The following PES1 variants were observed in gnomAD, a reference collection of about 807,000 sequenced individuals.
PES1 encodes pescadillo ribosomal biogenesis factor 1.
A neutral mutation model predicts 77.1 loss-of-function variants in PES1; 31 were observed. That is an observed-to-expected ratio of 0.40 (90% CI 0.30 to 0.54). The LOEUF (loss-of-function observed/expected upper bound fraction) is 0.54. Ranked by LOEUF, PES1 falls within the 20% of genes least tolerant of loss-of-function variation. The probability of loss-of-function intolerance (pLI) is 0.45; values close to 1 mark genes in which losing one functional copy is unlikely to be tolerated. For missense variants in PES1, 658 were observed against 771.7 expected, an observed-to-expected ratio of 0.85 and a Z score of 1.75; for synonymous variants, 282 against 303.0, an observed-to-expected ratio of 0.93 and a Z score of 0.72.
chr22:30,579,084 G>A (rs749428355), intron 13 of PES1, 53 bp downstream of exon 13: 10 of 1,604,324 alleles, frequency 6.2e-6, no homozygotes, highest in African/African-American at 1.3e-5. Context: ...GCCAGAGCAG[G>A]CACCAAGCAG....
chr22:30,580,174 A>C lies in PES1; in HGVS notation c.1048T>G (p.Phe350Val). ...REALAFIIRS[F>V]GGEVSWDKSL... ...TTGTCCCAGGACACTTCCCCACCAA[A>C]ACTCCTACAGGGACAGGGAGAGCCC... The change falls in exon 11 of 15, where the codon TTT becomes GTT. Residue 350 changes from phenylalanine (F) to valine (V), a missense_variant. Coordinates refer to ENST00000354694, the MANE Select transcript of PES1 (RefSeq NM_014303.4). 1 of 1,612,096 alleles carries C rather than the reference A, an allele frequency of 6.2e-7. No individual in the cohort carries two copies. The highest frequency in any genetic ancestry group is 8.5e-7 in the Non-Finnish European group (1 of 1,178,920).
At chr22:30,596,902 C>T (rs138063766), upstream of PES1, among the ~76,000 whole-genome samples, 136 of 152,296 alleles carry the variant, frequency 8.9e-4, 3 homozygotes, top group East Asian at 0.021. Context: ...GCGGCGCTTG[C>T]GGGCCAGCTA....
chr22:30,581,668 A>G, intron 6 of PES1, 24 bp from the exon 7 acceptor site: 1 of 1,526,396 alleles, frequency 6.6e-7, no homozygotes, highest in Non-Finnish European at 9.1e-7. Flanking sequence ...GAGATGCATG[A>G]GCAGTGTGGG....
intron 6 of PES1, among the ~76,000 whole-genome samples, chr22:30,583,217 G>A (rs142129529): frequency 3.9e-5 from 6 of 152,286 alleles, no homozygotes; most frequent in African/African-American, 1.2e-4. Context: ...CCACCCACAC[G>A]TGCCCCAGGG....
At chr22:30,592,149 G>A (rs1474201291), upstream of PES1, 5 of 1,169,972 alleles carry the variant, frequency 4.3e-6, no homozygotes, top group East Asian at 4.2e-5. Context: ...ACGATTCATT[G>A]ACTGTGAGCC....
At chr22:30,581,706 G>A (rs2086991474) in intron 6 of PES1, 62 bp from the exon 7 acceptor site, 2 of 1,155,898 alleles carry the variant, frequency 1.7e-6, no homozygotes, top group Non-Finnish European at 2.6e-6. Context: ...AGGAGGGACA[G>A]ACAACCCACA....
At chr22:30,581,307 C>T in intron 8 of PES1, 27 bp downstream of exon 8, 1 of 1,608,760 alleles carries the variant, frequency 6.2e-7, no homozygotes, top group Non-Finnish European at 8.5e-7. Context: ...TTGGGAGATG[C>T]CGGATGATGC....
chr22:30,587,057 C>G, intron 4 of PES1: 1 of 513,110 alleles, frequency 1.9e-6, no homozygotes, highest in South Asian at 2.3e-5. Context: ...TGTGCTTCCG[C>G]GGGCTGGCTC....
intron 14 of PES1, among the ~76,000 whole-genome samples, chr22:30,578,029 C>T (rs2086928548): frequency 6.6e-6 from 1 of 152,108 alleles, no homozygotes; most frequent in Non-Finnish European, 1.5e-5. Context: ...ATGCCTCTAA[C>T]CCCAACACTT....
rs762113530 is a variant in PES1, at chr22:30,579,870, T to C, written c.1235A>G (p.Glu412Gly). The change falls in exon 12 of 15, where the codon GAG becomes GGG. Residue 412 changes from glutamate (E) to glycine (G), a missense_variant. By Grantham distance (98) the Glu-to-Gly change is moderately conservative (BLOSUM62 -2). Coordinates refer to ENST00000354694, the MANE Select transcript of PES1 (RefSeq NM_014303.4). ...GGGCAGCTGCACCCCAGAGAAGTAC[T>C]CTGCCACGGGGAGAAGGAGCCTGGC... ...VNARLLLPVAEYFSGVQLPPH... is the reference protein window; with the variant it reads ...VNARLLLPVAGYFSGVQLPPH... The C allele has an allele frequency of 1.5e-5, 25 of 1,614,028 alleles. No individual in the cohort carries two copies. Among genetic ancestry groups the C allele is most frequent in the Non-Finnish European group, 2.0e-5 (24 of 1,180,012 alleles).
chr22:30,593,799 G>A (rs1012225789), upstream of PES1, among the ~76,000 whole-genome samples: 2 of 152,150 alleles, frequency 1.3e-5, no homozygotes, highest in African/African-American at 4.8e-5. Flanking sequence ...TCACAAGGGA[G>A]GAAACTAAGT....
intron 4 of PES1, among the ~76,000 whole-genome samples, chr22:30,586,673 G>A (rs1044609158): frequency 3.3e-5 from 5 of 152,190 alleles, no homozygotes; most frequent in Admixed American, 6.5e-5. Context: ...ATTAAGAATT[G>A]CTGATTTAGG....
upstream of PES1, among the ~76,000 whole-genome samples, chr22:30,594,379 G>T (rs942368540): frequency 1.3e-5 from 2 of 151,824 alleles, no homozygotes; most frequent in African/African-American, 4.8e-5. Flanking sequence ...AATTGTCTGG[G>T]CGTGGTGATG....
intron 3 of PES1, among the ~76,000 whole-genome samples, chr22:30,587,730 A>G (rs1335872924): frequency 6.6e-6 from 1 of 152,236 alleles, no homozygotes; most frequent in Non-Finnish European, 1.5e-5. Context: ...TGACACTGAC[A>G]GGATGAGAAA....
upstream of PES1, among the ~76,000 whole-genome samples, chr22:30,592,712 G>C (rs1280245742): frequency 6.6e-6 from 1 of 152,146 alleles, no homozygotes; most frequent in East Asian, 1.9e-4. Context: ...CAGGAGAATC[G>C]CTTGAACCTG....
At chr22:30,578,101 AGTAAAACCCC>A (rs2086929524) in intron 14 of PES1, among the ~76,000 whole-genome samples, 1 of 152,142 alleles carries the variant, frequency 6.6e-6, no homozygotes, top group Admixed American at 6.5e-5. Context: ...TGGCCAAGAC[AGTAAAACCCC>A]GTCTCTACTA....
chr22:30,605,377 G>C (rs900574631), intron 2 of PES1: 36 of 770,018 alleles, frequency 4.7e-5, no homozygotes, highest in South Asian at 1.2e-4. Flanking sequence ...GGTAGGCAGG[G>C]GGGTGTCTCC....
In PES1 at chr22:30,582,225, A is replaced by G. The variant is rs74929302; in HGVS notation, c.631-581T>C. 4.7e-3 allele frequency among the ~76,000 whole-genome samples: 712 copies of G among 152,324 alleles called. 3 individuals are homozygous for G. Among genetic ancestry groups the G allele is most frequent in the East Asian group, 0.01 (53 of 5,176 alleles). ...CAGGCCCAGCGGGGGCGGGGGAAGC[A>G]TGGGGCTCAGGCCGCCCACTGAGTC... On this transcript the variant is annotated intron_variant, in intron 6 of 14. Coordinates refer to ENST00000354694, the MANE Select transcript of PES1 (RefSeq NM_014303.4).
intron 4 of PES1, 66 bp from the exon 5 acceptor site, chr22:30,584,783 CCTT>C: frequency 6.6e-7 from 1 of 1,514,922 alleles, no homozygotes; most frequent in Non-Finnish European, 9.0e-7. Context: ...ACCCTGATCT[CCTT>C]ATCCCACCCC....
Sources: gnomAD v4.1 joint callset for allele counts (sites outside exome capture counted in the v4.1 genomes callset) on GRCh38, gnomAD v4.1.1 for gene constraint, MANE v1.5 for transcripts, NCBI Gene and HGNC (gene_info 2026-07-23, HGNC 2026-07-21) for gene names.